TYW1B: variants seen among roughly 807,000 people sequenced by gnomAD.
TYW1B encodes S-adenosyl-L-methionine-dependent tRNA 4-demethylwyosine synthase TYW1B.
TYW1B carries 73 observed loss-of-function variants against 86.9 expected under a neutral mutation model. That is an observed-to-expected ratio of 0.84 (90% CI 0.70 to 1.02). The LOEUF is 1.02. TYW1B is among the 50% of genes least tolerant of loss of function. The probability of loss-of-function intolerance (pLI) is 0.00; values close to 1 mark genes in which losing one functional copy is unlikely to be tolerated. For missense variants in TYW1B, 637 were observed against 827.4 expected (o/e 0.77, Z 2.82); for synonymous variants, 248 against 292.8 (o/e 0.85, Z 1.56).
chr7:72,717,449 G>C (rs1786812336), intron 9 of TYW1B, among the ~76,000 whole-genome samples: 1 of 152,024 alleles, frequency 6.6e-6, no homozygotes, highest in South Asian at 2.1e-4. Flanking sequence ...GAAGCGCTAG[G>C]GATTCAGATG....
rs1250884305 is a variant in TYW1B at position 72,734,018 on chromosome 7, G to C, written c.1083-5087C>G. Reference sequence around the variant, plus strand: ...TCACACCTGTAATCCCAGCACTTTGGGAGGCCGAGGCAGGCAGATCACAAA... The same window carrying C: ...TCACACCTGTAATCCCAGCACTTTGCGAGGCCGAGGCAGGCAGATCACAAA... On this transcript the variant is annotated intron_variant, in intron 8 of 13. Coordinates refer to ENST00000620995, the MANE Select transcript of TYW1B (RefSeq NM_001145440.3). Among the ~76,000 whole-genome samples the C allele has an allele frequency of 2.0e-5, 3 of 152,064 alleles. No individual in the cohort carries two copies. The East Asian group carries it at 5.8e-4, about 29-fold the overall frequency.
chr7:72,769,095 C>A, intron 7 of TYW1B: 1 of 379,596 alleles, frequency 2.6e-6, no homozygotes, highest in Non-Finnish European at 4.9e-6. Flanking sequence ...GTGGGATGGG[C>A]ATGCAGCAGT....
chr7:72,735,298 A>G (rs1787178428), intron 8 of TYW1B, among the ~76,000 whole-genome samples: 1 of 152,162 alleles, frequency 6.6e-6, no homozygotes, highest in Admixed American at 6.6e-5. Context: ...GGCTGGGCAT[A>G]GTGGGTCACG....
chr7:72,632,285 G>GTGTATATATATATATATATATTATA (rs1554439904), intron 11 of TYW1B, among the ~76,000 whole-genome samples: 12 of 83,568 alleles, frequency 1.4e-4, no homozygotes, highest in Admixed American at 5.7e-4. Flanking sequence ...ATATATACGT[G>GTGTATATATATATATATATATTATA]TATATATATA....
rs1563038854 is a variant in TYW1B at position 72,632,422 on chromosome 7, TAAAATATATATATACGTATATATATAA to T, written c.1507-3452_1507-3426del. Among the ~76,000 whole-genome samples, 617 of 109,460 alleles carry T rather than the reference TAAAATATATATATACGTATATATATAA, an allele frequency of 5.6e-3. 2 individuals carry two copies. Among genetic ancestry groups the T allele is most frequent in the Non-Finnish European group, 7.8e-3 (456 of 58,464 alleles). 71.8% of individuals were successfully genotyped at this position (109,460 alleles called of 152,430 possible). ...TATAATATATATATACATATATATA[TAAAATATATATATACGTATATATATAA>T]AATATATATATACATATATATATAA... On this transcript the variant is annotated intron_variant, in intron 11 of 13. Coordinates refer to ENST00000620995, the MANE Select transcript of TYW1B (RefSeq NM_001145440.3).
At position 72,629,031 on chromosome 7, in the gene TYW1B, C is replaced by G. The variant is rs1554439434; in HGVS notation, c.1507-34G>C. 2.6e-6 allele frequency: 4 copies of G among 1,566,368 alleles called. No individual in the cohort carries two copies. In the South Asian group the frequency reaches 4.7e-5, roughly 18 times the overall value. The stretch of plus-strand genomic sequence containing the variant: ...AAGGAAAAGCCAACTTCGTTGTTAT[C>G]TTGGTGGATGTCACCTCTTAACCTA... On this transcript the variant is annotated intron_variant, in intron 11 of 13. Transcript: ENST00000620995.
At chr7:72,778,750 G>A (rs1554471105) in intron 6 of TYW1B, among the ~76,000 whole-genome samples, 1 of 152,142 alleles carries the variant, frequency 6.6e-6, no homozygotes, top group African/African-American at 2.4e-5. Flanking sequence ...AAACACTTAA[G>A]AAATCCAAAG....
intron 11 of TYW1B, among the ~76,000 whole-genome samples, chr7:72,674,105 C>T (rs1190857117): frequency 6.6e-6 from 1 of 152,046 alleles, no homozygotes; most frequent in Non-Finnish European, 1.5e-5. Context: ...ATGGTACAAC[C>T]CCACTCCTCT....
At chr7:72,749,546 C>A (rs148699534) in intron 7 of TYW1B, among the ~76,000 whole-genome samples, 2,041 of 152,266 alleles carry the variant, frequency 0.013, 60 homozygotes, top group African/African-American at 0.047. Flanking sequence ...CCCACCCCGG[C>A]CTCCCAAAGT....
chr7:72,692,929 G>A (rs1225830386), intron 11 of TYW1B, among the ~76,000 whole-genome samples: 2 of 152,036 alleles, frequency 1.3e-5, no homozygotes, highest in African/African-American at 4.8e-5. Flanking sequence ...AATGTACATC[G>A]AGGCCAGACA....
intron 7 of TYW1B, among the ~76,000 whole-genome samples, chr7:72,761,811 G>A (rs533211023): frequency 2.0e-5 from 3 of 151,750 alleles, no homozygotes; most frequent in East Asian, 1.9e-4. Context: ...AAAGAATCTC[G>A]TATGACACAT....
chr7:72,590,321 T>C lies in TYW1B; in HGVS notation c.1786-14602A>G, dbSNP rs141247708. Among the ~76,000 whole-genome samples the C allele has an allele frequency of 4.0e-3, 610 of 152,258 alleles. 5 individuals carry two copies. Among genetic ancestry groups the C allele is most frequent in the African/African-American group, 0.014 (577 of 41,542 alleles). Reference sequence around the variant, plus strand: ...TGCATGTAGCTTCTAAGAGCCAGGATAGGCAATAAGAACACTGTCTTCAAA... The same window carrying C: ...TGCATGTAGCTTCTAAGAGCCAGGACAGGCAATAAGAACACTGTCTTCAAA... On this transcript the variant is annotated intron_variant, in intron 13 of 13. Coordinates refer to ENST00000620995, the MANE Select transcript of TYW1B (RefSeq NM_001145440.3).
intron 11 of TYW1B, among the ~76,000 whole-genome samples, chr7:72,637,500 T>C (rs1554440929): frequency 6.6e-6 from 1 of 152,154 alleles, no homozygotes; most frequent in Non-Finnish European, 1.5e-5. Context: ...CTAACATTAC[T>C]TATTTGTACC....
At chr7:72,600,967 C>A (rs528151318) in intron 13 of TYW1B, among the ~76,000 whole-genome samples, 2 of 152,122 alleles carry the variant, frequency 1.3e-5, no homozygotes, top group African/African-American at 4.8e-5. Context: ...ACCAGCCTGG[C>A]TAACATGGCG....
chr7:72,637,242 A>G (rs1812692357), intron 11 of TYW1B, among the ~76,000 whole-genome samples: 1 of 152,046 alleles, frequency 6.6e-6, no homozygotes, highest in Admixed American at 6.6e-5. Flanking sequence ...AAGAATTGGT[A>G]TAATTCAACG....
chr7:72,789,984 G>T (rs1168739390), intron 6 of TYW1B, among the ~76,000 whole-genome samples: 90 of 88,008 alleles, frequency 1.0e-3, no homozygotes, highest in African/African-American at 3.7e-3. Flanking sequence ...TTTCACTCTT[G>T]TTGCCCAGGC....
At chr7:72,747,775 G>A (rs1445827538) in intron 7 of TYW1B, among the ~76,000 whole-genome samples, 1 of 152,196 alleles carries the variant, frequency 6.6e-6, no homozygotes, top group Non-Finnish European at 1.5e-5. Flanking sequence ...AGAAATGACA[G>A]TTTATTATAC....
intron 12 of TYW1B, among the ~76,000 whole-genome samples, chr7:72,622,750 A>G (rs1356432238): frequency 2.6e-5 from 4 of 151,250 alleles, no homozygotes; most frequent in Non-Finnish European, 4.4e-5. Context: ...CAACACACAC[A>G]AGTGCACACA....
intron 8 of TYW1B, among the ~76,000 whole-genome samples, chr7:72,739,921 G>A (rs1400205089): frequency 6.8e-6 from 1 of 146,132 alleles, no homozygotes; most frequent in African/African-American, 2.5e-5. Flanking sequence ...GTTGTAAATG[G>A]CCTGGCTAAA....
Sources: allele counts gnomAD v4.1 joint callset (sites outside exome capture counted in the v4.1 genomes callset), GRCh38; gene constraint gnomAD v4.1.1; transcripts MANE v1.5; gene names NCBI Gene and HGNC (gene_info 2026-07-23, HGNC 2026-07-21).